SHC3: variants seen among roughly 807,000 people sequenced by gnomAD.
The protein encoded by SHC3 is SHC adaptor protein 3.
SHC3 carries 15 observed loss-of-function variants against 60.4 expected under a neutral mutation model. The ratio of observed to expected loss-of-function variants is 0.25; its 90% CI spans 0.17 to 0.38. The LOEUF is 0.38. SHC3 is among the 10% of genes least tolerant of loss of function. The probability of loss-of-function intolerance (pLI) is 1.00; values close to 1 mark genes in which losing one functional copy is unlikely to be tolerated. For synonymous variants in SHC3, 294 were observed against 325.9 expected (o/e 0.90, Z 1.05); for missense variants, 677 against 786.1 (o/e 0.86, Z 1.66).
chr9:89,133,754 C>A (rs1169541142), intron 1 of SHC3, among the ~76,000 whole-genome samples: 2 of 151,986 alleles, frequency 1.3e-5, no homozygotes, highest in African/African-American at 2.4e-5. Flanking sequence ...CACACTGGGG[C>A]CTGTCATGGG....
At chr9:89,025,932 G>C (rs1039533859) in intron 11 of SHC3, among the ~76,000 whole-genome samples, 3 of 152,062 alleles carry the variant, frequency 2.0e-5, no homozygotes, top group Non-Finnish European at 4.4e-5. Flanking sequence ...GTAAGAGTCT[G>C]GTACCTTTTT....
intron 2 of SHC3, among the ~76,000 whole-genome samples, chr9:89,090,686 A>C (rs1825608286): frequency 6.6e-6 from 1 of 152,222 alleles, no homozygotes; most frequent in Non-Finnish European, 1.5e-5. Context: ...ACCAGGGTGC[A>C]GCCACAGAGA....
chr9:89,049,133 C>A (rs1824821769), intron 7 of SHC3, among the ~76,000 whole-genome samples: 1 of 152,042 alleles, frequency 6.6e-6, no homozygotes, highest in Admixed American at 6.6e-5. Flanking sequence ...TGGTGGCAGG[C>A]GCCTGTAGTC....
chr9:89,067,846 G>C (rs544696942), intron 5 of SHC3, among the ~76,000 whole-genome samples: 2 of 152,150 alleles, frequency 1.3e-5, no homozygotes, highest in African/African-American at 4.8e-5. Flanking sequence ...TTTAAGTAGG[G>C]GGAGAGTTAA....
intron 2 of SHC3, among the ~76,000 whole-genome samples, chr9:89,100,608 G>T (rs1460252141): frequency 6.6e-6 from 1 of 152,076 alleles, no homozygotes; most frequent in Non-Finnish European, 1.5e-5. Context: ...ATCCCCAAAA[G>T]GTTTCTCCAT....
intron 6 of SHC3, among the ~76,000 whole-genome samples, chr9:89,062,174 G>T (rs537017751): frequency 6.6e-6 from 1 of 152,274 alleles, no homozygotes. Flanking sequence ...TATACATAAG[G>T]TTGCAGGGCA....
chr9:89,165,138 T>C (rs574402490), intron 1 of SHC3, among the ~76,000 whole-genome samples: 1 of 152,326 alleles, frequency 6.6e-6, no homozygotes, highest in South Asian at 2.1e-4. Flanking sequence ...GGTACTAATA[T>C]TGAAAGATCT....
intron 1 of SHC3, among the ~76,000 whole-genome samples, chr9:89,169,692 G>A (rs1483917080): frequency 6.6e-6 from 1 of 152,006 alleles, no homozygotes; most frequent in Non-Finnish European, 1.5e-5. Flanking sequence ...CTCCTAAATA[G>A]TGCAAGGCGG....
rs200823762 is a variant in SHC3, at chr9:89,065,596, G to C, written c.784-16C>G. On this transcript the variant is annotated splice_polypyrimidine_tract_variant and intron_variant, in intron 5 of 11. Transcript: ENST00000375835. ...CAGTTGTGTCCTGTTAAAGAAAAAA[G>C]AGATGTCTATGTCACTAATCACAAG... 1 of 1,613,810 alleles carries C rather than the reference G, an allele frequency of 6.2e-7. No homozygotes were observed. The highest frequency in any genetic ancestry group is 8.5e-7 in the Non-Finnish European group (1 of 1,179,900).
chr9:89,105,096 C>T (rs945471328), intron 2 of SHC3, among the ~76,000 whole-genome samples: 1 of 152,166 alleles, frequency 6.6e-6, no homozygotes, highest in Non-Finnish European at 1.5e-5. Context: ...TAACCTTACA[C>T]TCATTTTCTT....
intron 9 of SHC3, among the ~76,000 whole-genome samples, chr9:89,044,274 C>A (rs1451952683): frequency 6.6e-6 from 1 of 152,170 alleles, no homozygotes; most frequent in Admixed American, 6.5e-5. Context: ...AAAGTTATGA[C>A]TCTGATTTGC....
chr9:89,071,794 G>A (rs1825277007), intron 4 of SHC3, among the ~76,000 whole-genome samples: 1 of 152,180 alleles, frequency 6.6e-6, no homozygotes, highest in Admixed American at 6.5e-5. Flanking sequence ...ATAAAAAGGA[G>A]GACTTCACCA....
intron 5 of SHC3, among the ~76,000 whole-genome samples, chr9:89,069,373 C>T (rs574308584): frequency 6.6e-6 from 1 of 151,370 alleles, no homozygotes; most frequent in Non-Finnish European, 1.5e-5. Context: ...TTTCATCTTA[C>T]AATAAAGTGT....
intron 1 of SHC3, among the ~76,000 whole-genome samples, chr9:89,138,017 G>A (rs992640592): frequency 5.9e-5 from 9 of 152,190 alleles, no homozygotes; most frequent in African/African-American, 1.9e-4. Context: ...AACCAGAGTT[G>A]GGAAAGATTA....
chr9:89,134,216 G>A (rs909980889), intron 1 of SHC3, among the ~76,000 whole-genome samples: 1 of 152,100 alleles, frequency 6.6e-6, no homozygotes, highest in African/African-American at 2.4e-5. Context: ...ATTATAAGAA[G>A]GCCTGGGAAT....
At chr9:89,129,988 T>C (rs2118162368) in intron 1 of SHC3, among the ~76,000 whole-genome samples, 1 of 152,252 alleles carries the variant, frequency 6.6e-6, no homozygotes, top group South Asian at 2.1e-4. Context: ...TCAAGACCCA[T>C]CAGTGTGCTG....
chr9:89,149,236 C>T (rs983338217), intron 1 of SHC3, among the ~76,000 whole-genome samples: 3 of 152,172 alleles, frequency 2.0e-5, no homozygotes, highest in African/African-American at 4.8e-5. Flanking sequence ...CACATCCACT[C>T]ATAGTGCACT....
In SHC3 at chr9:89,006,002, T is replaced by G. The variant is rs1198625404; in HGVS notation, c.*7445A>C. On this transcript the variant is annotated 3_prime_UTR_variant, in exon 12 of 12. Transcript: ENST00000375835. Reference sequence around the variant, plus strand: ...GTGCAAAACTGCAACACCCAAATGTTTTTAGTATCTAAGTCAGATATCCAA... The same window carrying G: ...GTGCAAAACTGCAACACCCAAATGTGTTTAGTATCTAAGTCAGATATCCAA... The G allele has an allele frequency of 6.6e-6, 1 of 152,232 alleles. No individual in the cohort carries two copies. The highest frequency in any genetic ancestry group is 1.5e-5 in the Non-Finnish European group (1 of 68,034). 9.4% of individuals were successfully genotyped at this position (152,232 alleles called of 1,614,324 possible). A position where few individuals can be genotyped will look rare whatever the true frequency, so the allele number is the denominator to read the frequency against.
In SHC3 at chr9:89,013,388, C is replaced by T; in HGVS notation, c.*59G>A. The T allele has an allele frequency of 7.0e-7, 1 of 1,420,606 alleles. No homozygotes were observed. Among genetic ancestry groups the T allele is most frequent in the Non-Finnish European group, 9.3e-7 (1 of 1,080,218 alleles). 88.0% of individuals were successfully genotyped at this position (1,420,606 alleles called of 1,614,324 possible). On this transcript the variant is annotated 3_prime_UTR_variant, in exon 12 of 12. Transcript: ENST00000375835. ...TGTCCCAGTTCCAGCAGCCCCGATT[C>T]TAGTCCACTCCAGGTCCTCCTGACC...
Sources: gnomAD v4.1 joint callset for allele counts (sites outside exome capture counted in the v4.1 genomes callset) on GRCh38, gnomAD v4.1.1 for gene constraint, MANE v1.5 for transcripts, NCBI Gene and HGNC (gene_info 2026-07-23, HGNC 2026-07-21) for gene names.